The following PAX2 variants were observed in gnomAD, a reference collection of about 807,000 sequenced individuals.
PAX2 encodes the protein paired box 2.
A neutral mutation model predicts 41.7 loss-of-function variants in PAX2; 9 were observed. That is an observed-to-expected ratio of 0.22 (90% confidence interval 0.13 to 0.38). PAX2 has a LOEUF of 0.38. Among genes scored for constraint, PAX2 ranks in the 10% least tolerant of loss-of-function variants. PAX2 has a pLI of 1.00. For synonymous variants in PAX2, 221 were observed against 212.7 expected, an observed-to-expected ratio of 1.04 and a Z score of -0.34; for missense variants, 418 against 531.6, an observed-to-expected ratio of 0.79 and a Z score of 2.10.
intron 3 of PAX2, among the ~76,000 whole-genome samples, chr10:100,764,734 C>G (rs973543427): frequency 7.2e-5 from 11 of 152,058 alleles, no homozygotes; most frequent in Admixed American, 6.6e-5. Context: ...CTCTTGGAAG[C>G]CTGCTATTGC....
chr10:100,810,109 G>C (rs1847940104), intron 7 of PAX2, among the ~76,000 whole-genome samples: 1 of 152,246 alleles, frequency 6.6e-6, no homozygotes, highest in South Asian at 2.1e-4. Flanking sequence ...TGATTGAGAA[G>C]GGTCTCGGTG....
chr10:100,824,563 T>A lies in PAX2; in HGVS notation c.920-85T>A. Reference sequence around the variant, plus strand: ...CACAGAGCTCTTTCCTCTCCAAGAGTTTCCTCTCCGTGCAGTACCCTGGTG... The same window carrying A: ...CACAGAGCTCTTTCCTCTCCAAGAGATTCCTCTCCGTGCAGTACCCTGGTG... On this transcript the variant is annotated intron_variant, in intron 7 of 9. Coordinates refer to ENST00000355243, the MANE Select transcript of PAX2 (RefSeq NM_000278.5). The surrounding 1 kb of genome is among the most constrained non-coding windows in gnomAD (Gnocchi z 6.6). The A allele has an allele frequency of 1.0e-6, 1 of 963,450 alleles. No homozygotes were observed. The highest frequency in any genetic ancestry group is 1.7e-6 in the Non-Finnish European group (1 of 587,954). 59.7% of individuals were successfully genotyped at this position (963,450 alleles called of 1,614,324 possible). A position where few individuals can be genotyped will look rare whatever the true frequency, so the allele number is the denominator to read the frequency against.
upstream of PAX2, among the ~76,000 whole-genome samples, chr10:100,744,456 T>C (rs1318776858): frequency 1.3e-5 from 2 of 152,242 alleles, no homozygotes; most frequent in Non-Finnish European, 1.5e-5. Flanking sequence ...TTCTTCTGCC[T>C]GGTGCGTGCG....
intron 5 of PAX2, among the ~76,000 whole-genome samples, chr10:100,792,629 G>A (rs1847168955): frequency 6.6e-6 from 1 of 152,236 alleles, no homozygotes; most frequent in African/African-American, 2.4e-5. Flanking sequence ...ATTGCTGACT[G>A]TGGAGGACGC....
chr10:100,817,082 C>A (rs748974299), intron 7 of PAX2, among the ~76,000 whole-genome samples: 1 of 152,194 alleles, frequency 6.6e-6, no homozygotes, highest in African/African-American at 2.4e-5. Context: ...GCATGAGGGT[C>A]TCTCATGCTC....
At chr10:100,747,850 C>T (rs1050307515) in intron 1 of PAX2, 22 of 984,872 alleles carry the variant, frequency 2.2e-5, no homozygotes, top group Non-Finnish European at 2.7e-5. Context: ...GCCAGCCTGC[C>T]TCGCGGCCCG....
chr10:100,826,835 G>A lies in PAX2; in HGVS notation c.1022-174G>A, dbSNP rs1007087929. Among the ~76,000 whole-genome samples the A allele has an allele frequency of 2.0e-5, 3 of 152,218 alleles. No homozygotes were observed. The highest frequency in any genetic ancestry group is 6.5e-5 in the Admixed American group (1 of 15,298). Reference sequence around the variant, plus strand: ...CCGCCTCCCCGGGCTCTCTCCACGCGGACGCGGTGATCGCCCCACCTCCGC... The same window carrying A: ...CCGCCTCCCCGGGCTCTCTCCACGCAGACGCGGTGATCGCCCCACCTCCGC... On this transcript the variant is annotated intron_variant, in intron 8 of 9. Coordinates refer to ENST00000355243, the MANE Select transcript of PAX2 (RefSeq NM_000278.5). This position sits in a 1 kb window ranked among gnomAD's most constrained non-coding sequence, Gnocchi z 5.5.
At chr10:100,758,925 A>G (rs974284551) in intron 3 of PAX2, among the ~76,000 whole-genome samples, 1 of 152,196 alleles carries the variant, frequency 6.6e-6, no homozygotes. Context: ...ATGACTCCCT[A>G]TAGCCGGAGG....
chr10:100,779,464 T>A (rs376030530), intron 3 of PAX2, 34 bp from the exon 4 acceptor site: 2 of 1,543,416 alleles, frequency 1.3e-6, no homozygotes, highest in Non-Finnish European at 1.8e-6. Flanking sequence ...GGAGTGGGCA[T>A]TTGATGTGTG....
In PAX2 at chr10:100,829,787, C is replaced by T. The variant is rs1848725391; in HGVS notation, c.*2168C>T. 4.9e-6 allele frequency: 1 copy of T among 205,156 alleles called. No homozygotes were observed. The highest frequency in any genetic ancestry group is 6.0e-5 in the Admixed American group (1 of 16,778). 12.7% of individuals were successfully genotyped at this position (205,156 alleles called of 1,614,324 possible). On this transcript the variant is annotated 3_prime_UTR_variant, in exon 10 of 10. Transcript: ENST00000355243. ...CTGTGGGGCTGGCCGGGCAGAGACC[C>T]CGGACCCAGGCCCAGGCCTAACCTG...
chr10:100,762,306 G>A (rs187478646), intron 3 of PAX2, among the ~76,000 whole-genome samples: 1 of 152,108 alleles, frequency 6.6e-6, no homozygotes, highest in Non-Finnish European at 1.5e-5. Context: ...GTTTCACTGG[G>A]CTCTTCCTGC....
At position 100,780,611 on chromosome 10, in the gene PAX2, A is replaced by C. The variant is rs144206962; in HGVS notation, c.497-635A>C. 4.9e-3 allele frequency among the ~76,000 whole-genome samples: 749 copies of C among 152,288 alleles called. 10 individuals are homozygous for C. Among genetic ancestry groups the C allele is most frequent in the Admixed American group, 6.8e-3 (104 of 15,302 alleles). On this transcript the variant is annotated intron_variant, in intron 4 of 9. Transcript: ENST00000355243. ...GAATGGGTTCACTAATCTTGCCCTA[A>C]GGGGGAAATTAGGAGTTTCTCAAGT...
chr10:100,778,358 C>T (rs931787948), intron 3 of PAX2, among the ~76,000 whole-genome samples: 2 of 152,212 alleles, frequency 1.3e-5, no homozygotes, highest in African/African-American at 4.8e-5. Context: ...AAGTTTCCAG[C>T]ACTAACTACC....
upstream of PAX2, among the ~76,000 whole-genome samples, chr10:100,743,704 G>T (rs1378913418): frequency 6.6e-6 from 1 of 151,686 alleles, no homozygotes; most frequent in East Asian, 2.0e-4. Context: ...TTCCTTCTTC[G>T]GTCCCTACAC....
intron 5 of PAX2, among the ~76,000 whole-genome samples, chr10:100,801,517 C>T (rs746643381): frequency 1.2e-4 from 19 of 152,226 alleles, no homozygotes; most frequent in Non-Finnish European, 1.2e-4. Flanking sequence ...CCACAGTGGA[C>T]AGAGCACCTG....
rs373799130 is a variant in PAX2, at chr10:100,823,186, C to T, written c.920-1462C>T. ...AAGAAGGCTATGTCAAGAAGGACTC[C>T]AAAGTTTTTGGTCTTATGATATTCA... On this transcript the variant is annotated intron_variant, in intron 7 of 9. Transcript: ENST00000355243. Among the ~76,000 whole-genome samples the T allele has an allele frequency of 2.2e-4, 33 of 152,118 alleles. No individual in the cohort carries two copies. The South Asian group carries it at 6.7e-3, about 31-fold the overall frequency.
At chr10:100,757,140 C>A (rs1845662314) in intron 3 of PAX2, among the ~76,000 whole-genome samples, 2 of 152,152 alleles carry the variant, frequency 1.3e-5, no homozygotes, top group Non-Finnish European at 2.9e-5. Context: ...AAGTTGATAT[C>A]TTCTGTGCGT....
intron 7 of PAX2, among the ~76,000 whole-genome samples, chr10:100,815,730 C>T (rs1397801329): frequency 1.3e-5 from 2 of 152,318 alleles, no homozygotes; most frequent in South Asian, 4.1e-4. Context: ...AAAGAAGAGG[C>T]CCTAATCCAC....
chr10:100,754,581 TC>T (rs1250460702), intron 3 of PAX2, among the ~76,000 whole-genome samples: 1 of 152,194 alleles, frequency 6.6e-6, no homozygotes, highest in East Asian at 1.9e-4. Flanking sequence ...CATTTGGGTG[TC>T]CCTCTTCTGT....
Sources: allele counts gnomAD v4.1 joint callset (sites outside exome capture counted in the v4.1 genomes callset), GRCh38; gene constraint gnomAD v4.1.1; non-coding constraint Gnocchi (gnomAD v3.1); transcripts MANE v1.5; gene names NCBI Gene and HGNC (gene_info 2026-07-23, HGNC 2026-07-21).